The following SLC39A14 variants were observed in gnomAD, a reference collection of about 807,000 sequenced individuals.
SLC39A14 encodes metal cation symporter ZIP14.
Under a neutral mutation model 45.5 loss-of-function variants are expected in SLC39A14, and 19 were observed. That is an observed-to-expected ratio of 0.42 (90% CI 0.29 to 0.61). SLC39A14 has a LOEUF of 0.61. Ranked by LOEUF, SLC39A14 falls within the 20% of genes least tolerant of loss-of-function variation. SLC39A14 has a pLI of 0.22. For missense variants in SLC39A14, 447 were observed against 616.5 expected (o/e 0.73, Z 2.91); for synonymous variants, 264 against 251.3 (o/e 1.05, Z -0.48).
chr8:22,432,633 C>T (rs1463702317), intron 8 of SLC39A14, among the ~76,000 whole-genome samples: 7 of 145,928 alleles, frequency 4.8e-5, no homozygotes, highest in Non-Finnish European at 9.0e-5. Flanking sequence ...TGTTCACCAC[C>T]GTGCCCGGCT....
intron 6 of SLC39A14, 32 bp from the exon 7 acceptor site, chr8:22,416,041 G>T: frequency 1.2e-6 from 2 of 1,611,776 alleles, no homozygotes; most frequent in African/African-American, 1.3e-5. Flanking sequence ...AGCCTTTGAC[G>T]CTGTGGGCCC....
chr8:22,404,120 C>T (rs1347656591), intron 1 of SLC39A14, among the ~76,000 whole-genome samples: 1 of 151,832 alleles, frequency 6.6e-6, no homozygotes, highest in Non-Finnish European at 1.5e-5. Flanking sequence ...ACCTCTAAAA[C>T]GACTTCTAAA....
chr8:22,375,745 A>G (rs1349229287), intron 1 of SLC39A14, among the ~76,000 whole-genome samples: 5 of 152,074 alleles, frequency 3.3e-5, no homozygotes, highest in Non-Finnish European at 5.9e-5. Context: ...GCCTTGGCTT[A>G]CCAAAGTGCT....
At chr8:22,395,925 A>C (rs1455344382) in intron 1 of SLC39A14, among the ~76,000 whole-genome samples, 2 of 152,184 alleles carry the variant, frequency 1.3e-5, no homozygotes, top group Non-Finnish European at 2.9e-5. Context: ...AGGAGTGCTA[A>C]GGACTGGGTA....
intron 1 of SLC39A14, among the ~76,000 whole-genome samples, chr8:22,397,216 C>G (rs957651875): frequency 6.6e-6 from 1 of 152,190 alleles, no homozygotes; most frequent in Non-Finnish European, 1.5e-5. Context: ...CATTGCCAGG[C>G]AGCGCTTCCC....
At chr8:22,404,581 G>C (rs1217853612) in intron 1 of SLC39A14, 115 bp from the exon 2 acceptor site, 10 of 949,816 alleles carry the variant, frequency 1.1e-5, no homozygotes, top group Middle Eastern at 2.5e-4. Flanking sequence ...AGAAGGAGCA[G>C]AGAAGCAGAG....
At chr8:22,405,117 G>C (rs10113026) in intron 2 of SLC39A14, 137 bp downstream of exon 2, 1 of 727,772 alleles carries the variant, frequency 1.4e-6, no homozygotes, top group Non-Finnish European at 2.2e-6. Flanking sequence ...ATGATAGAGT[G>C]GACAGGCTGA....
At chr8:22,411,929 C>T in intron 3 of SLC39A14, 108 bp from the exon 4 acceptor site, 1 of 1,039,640 alleles carries the variant, frequency 9.6e-7, no homozygotes, top group Non-Finnish European at 1.4e-6. Context: ...TCCTTGCGAC[C>T]TCCCTATCTG....
chr8:22,425,028 C>CAAAAAAA (rs71544902), downstream of SLC39A14, among the ~76,000 whole-genome samples: 2 of 74,352 alleles, frequency 2.7e-5, no homozygotes, highest in East Asian at 4.4e-4. Context: ...GACTCCGTCT[C>CAAAAAAA]AAAAAAAAAA....
intron 8 of SLC39A14, among the ~76,000 whole-genome samples, chr8:22,429,811 TAAAC>T (rs1194006098): frequency 6.6e-6 from 1 of 152,058 alleles, no homozygotes; most frequent in Non-Finnish European, 1.5e-5. Flanking sequence ...TGAGGGGAAA[TAAAC>T]AAAAACCAAG....
At chr8:22,423,289 A>T (rs1836317757), downstream of SLC39A14, among the ~76,000 whole-genome samples, 1 of 150,692 alleles carries the variant, frequency 6.6e-6, no homozygotes, top group Non-Finnish European at 1.5e-5. Flanking sequence ...GACTACAGGC[A>T]TGTAGTACCA....
At position 22,420,891 on chromosome 8, in the gene SLC39A14, C is replaced by T. The variant is rs1337459872; in HGVS notation, c.*1193C>T. The T allele has an allele frequency of 7.1e-6, 7 of 985,470 alleles. No individual in the cohort carries two copies. Among genetic ancestry groups the T allele is most frequent in the Non-Finnish European group, 8.4e-6 (7 of 829,938 alleles). The allele number at this position is 985,470 out of a possible 1,614,324, so 61.0% of individuals were successfully genotyped here. A position where few individuals can be genotyped will look rare whatever the true frequency, so the allele number is the denominator to read the frequency against. ...TTTAAATGACCCGTCTAGGTTACTG[C>T]TTCCTTGCAAAAAAAGTCGAATCCT... On this transcript the variant is annotated 3_prime_UTR_variant, in exon 9 of 9. Coordinates refer to ENST00000381237, the MANE Select transcript of SLC39A14 (RefSeq NM_001128431.4).
chr8:22,422,360 A>G lies in SLC39A14; in HGVS notation c.*2662A>G, dbSNP rs758145989. ...TTGTGTCTAGTGTCAAATTGGAGCT[A>G]TTCTTCACTGGTCCTTAACCTTGGG... On this transcript the variant is annotated 3_prime_UTR_variant, in exon 9 of 9. Transcript: ENST00000381237. 4.1e-6 allele frequency: 4 copies of G among 985,682 alleles called. No homozygotes were observed. In the African/African-American group the frequency reaches 5.2e-5, roughly 13 times the overall value. 61.1% of individuals were successfully genotyped at this position (985,682 alleles called of 1,614,324 possible).
chr8:22,419,610 C>A lies in SLC39A14; in HGVS notation c.1391C>A (p.Pro464Gln), dbSNP rs1284331221. 4 of 1,614,164 alleles carry A rather than the reference C, an allele frequency of 2.5e-6. No homozygotes were observed. The Admixed American group carries it at 6.7e-5, about 27-fold the overall frequency. ...EDERKGSILI[P>Q]FIIQNLGLLT... ...GAAAGGAAGGGCAGCATCTTGATTC[C>A]ATTTATCATCCAGAACCTGGGCCTC... Residue 464 changes from proline (P) to glutamine (Q), a missense_variant, in exon 9 of 9, where the codon CCA (proline) becomes CAA (glutamine). Transcript: ENST00000381237.
At chr8:22,433,887 T>A (rs1836504865) in intron 8 of SLC39A14, 1 of 340,306 alleles carries the variant, frequency 2.9e-6, no homozygotes, top group Admixed American at 3.9e-5. Context: ...TTTTGTTTTT[T>A]TAGATGGAGT....
intron 8 of SLC39A14, among the ~76,000 whole-genome samples, chr8:22,430,367 C>G (rs997419647): frequency 2.0e-5 from 3 of 152,090 alleles, no homozygotes; most frequent in Non-Finnish European, 1.5e-5. Context: ...CGCCCTTAGA[C>G]CACAAGAGAG....
At chr8:22,428,362 A>G (rs1038504815) in intron 8 of SLC39A14, among the ~76,000 whole-genome samples, 2 of 151,852 alleles carry the variant, frequency 1.3e-5, no homozygotes, top group African/African-American at 2.4e-5. Context: ...GCTTTAAGGT[A>G]TATTCCCACA....
At chr8:22,387,886 T>G (rs558674489) in intron 1 of SLC39A14, among the ~76,000 whole-genome samples, 2 of 152,216 alleles carry the variant, frequency 1.3e-5, no homozygotes, top group Admixed American at 1.3e-4. Flanking sequence ...TCACCTGAGG[T>G]TGGGAGTTTA....
rs71544899 is a variant in SLC39A14, at chr8:22,401,543, CTTTTTTTTTTTTT to C, written c.-15-3143_-15-3131del. ...CTGTCTTTCTCTTTCTCTTCTCTTT[CTTTTTTTTTTTTT>C]TTTTTTTTTGAGATGGAATCTTGCT... On this transcript the variant is annotated intron_variant, in intron 1 of 8. Transcript: ENST00000381237. Among the ~76,000 whole-genome samples, 2 of 84,054 alleles carry C rather than the reference CTTTTTTTTTTTTT, an allele frequency of 2.4e-5. 1 individual carries two copies. Among genetic ancestry groups the C allele is most frequent in the Non-Finnish European group, 4.0e-5 (2 of 49,680 alleles). The allele number at this position is 84,054 out of a possible 152,430, so 55.1% of individuals were successfully genotyped here.
Sources: gnomAD v4.1 joint callset for allele counts (sites outside exome capture counted in the v4.1 genomes callset) on GRCh38, gnomAD v4.1.1 for gene constraint, MANE v1.5 for transcripts, NCBI Gene and HGNC (gene_info 2026-07-23, HGNC 2026-07-21) for gene names.